The following GSK3B variants were observed in gnomAD, a reference collection of about 807,000 sequenced individuals.
GSK3B encodes glycogen synthase kinase-3 beta.
GSK3B carries 15 observed loss-of-function variants against 56.4 expected under a neutral mutation model. That is an observed-to-expected ratio of 0.27 (90% CI 0.18 to 0.41). GSK3B has a LOEUF of 0.41. Ranked by LOEUF, GSK3B falls within the 10% of genes least tolerant of loss-of-function variation. The pLI is 1.00. For missense variants in GSK3B, 300 were observed against 513.4 expected (o/e 0.58, Z 4.02); for synonymous variants, 181 against 188.9 (o/e 0.96, Z 0.34).
At chr3:119,886,128 CA>C (rs2108059403) in intron 7 of GSK3B, among the ~76,000 whole-genome samples, 1 of 152,146 alleles carries the variant, frequency 6.6e-6, no homozygotes, top group South Asian at 2.1e-4. Flanking sequence ...AGAAAACAGA[CA>C]CAAACTACAC....
chr3:119,952,691 A>G (rs1421478343), intron 2 of GSK3B, among the ~76,000 whole-genome samples: 1 of 151,820 alleles, frequency 6.6e-6, no homozygotes, highest in Admixed American at 6.6e-5. Context: ...ACTAATCATC[A>G]GGAAAAAACG....
chr3:119,928,929 T>C (rs1490499660), intron 3 of GSK3B, among the ~76,000 whole-genome samples: 1 of 152,188 alleles, frequency 6.6e-6, no homozygotes, highest in African/African-American at 2.4e-5. Context: ...ATACATTACC[T>C]AACACACAAT....
At chr3:120,002,349 T>A (rs72546691) in intron 1 of GSK3B, 110 bp from the exon 2 acceptor site, 69 of 523,946 alleles carry the variant, frequency 1.3e-4, no homozygotes, top group Admixed American at 3.4e-4. Flanking sequence ...ATTTTATTTT[T>A]TTTTTTGAGA....
At chr3:119,883,700 C>A (rs2056403475) in intron 7 of GSK3B, among the ~76,000 whole-genome samples, 1 of 151,986 alleles carries the variant, frequency 6.6e-6, no homozygotes, top group African/African-American at 2.4e-5. Flanking sequence ...AAAAACAGAC[C>A]CAGAAGGAGT....
intron 7 of GSK3B, among the ~76,000 whole-genome samples, chr3:119,879,781 T>C (rs772492706): frequency 6.6e-6 from 1 of 152,164 alleles, no homozygotes; most frequent in Non-Finnish European, 1.5e-5. Flanking sequence ...CGACTTCCGG[T>C]GCCATCTATG....
chr3:119,839,673 G>A (rs2055742361), intron 10 of GSK3B, among the ~76,000 whole-genome samples: 1 of 152,110 alleles, frequency 6.6e-6, no homozygotes, highest in Non-Finnish European at 1.5e-5. Flanking sequence ...TGATTTGGAG[G>A]CACATTCTCA....
At chr3:119,882,756 C>G (rs1401582515) in intron 7 of GSK3B, among the ~76,000 whole-genome samples, 1 of 152,078 alleles carries the variant, frequency 6.6e-6, no homozygotes, top group Non-Finnish European at 1.5e-5. Context: ...TCTTCTGCAA[C>G]TCATTCCTTT....
chr3:119,945,914 G>C (rs1164446224), intron 3 of GSK3B, among the ~76,000 whole-genome samples: 1 of 152,002 alleles, frequency 6.6e-6, no homozygotes, highest in Non-Finnish European at 1.5e-5. Flanking sequence ...GAGTGTACTT[G>C]TGAACCTAAC....
chr3:120,068,189 G>A (rs1038131146), intron 1 of GSK3B, among the ~76,000 whole-genome samples: 3 of 151,132 alleles, frequency 2.0e-5, no homozygotes, highest in Non-Finnish European at 2.9e-5. Flanking sequence ...TCAGGTGTTC[G>A]AGACCAGCCT....
intron 8 of GSK3B, among the ~76,000 whole-genome samples, chr3:119,874,201 T>C (rs1249382456): frequency 1.3e-5 from 2 of 152,076 alleles, no homozygotes; most frequent in African/African-American, 2.4e-5. Context: ...TGACACACAC[T>C]AAATACAGTG....
intron 5 of GSK3B, among the ~76,000 whole-genome samples, chr3:119,914,109 T>C (rs1338448371): frequency 2.6e-5 from 4 of 152,062 alleles, no homozygotes; most frequent in African/African-American, 9.7e-5. Flanking sequence ...CAGAGGAGAC[T>C]GGTTTTAACT....
chr3:119,924,385 C>T (rs2056871436), intron 3 of GSK3B, among the ~76,000 whole-genome samples: 1 of 152,182 alleles, frequency 6.6e-6, no homozygotes, highest in African/African-American at 2.4e-5. Context: ...TCACAATCTC[C>T]CAATTTGAAA....
At chr3:119,906,931 T>C (rs1183172459) in intron 6 of GSK3B, among the ~76,000 whole-genome samples, 3 of 152,180 alleles carry the variant, frequency 2.0e-5, no homozygotes, top group African/African-American at 4.8e-5. Flanking sequence ...AAAAATGACA[T>C]AGTATCATTT....
At chr3:119,948,714 T>C (rs766979944) in intron 2 of GSK3B, among the ~76,000 whole-genome samples, 1 of 152,222 alleles carries the variant, frequency 6.6e-6, no homozygotes, top group African/African-American at 2.4e-5. Context: ...GTTTGTTTGT[T>C]TGAGACAGAG....
chr3:120,063,164 T>C (rs886193816), intron 1 of GSK3B, among the ~76,000 whole-genome samples: 6 of 152,214 alleles, frequency 3.9e-5, no homozygotes, highest in Admixed American at 3.9e-4. Flanking sequence ...CACATGCCTT[T>C]AATAAAAAGT....
chr3:120,076,131 G>A (rs1012827332), intron 1 of GSK3B, among the ~76,000 whole-genome samples: 1 of 152,082 alleles, frequency 6.6e-6, no homozygotes, highest in Non-Finnish European at 1.5e-5. Flanking sequence ...TTCAATAAAT[G>A]GTGTTGGGAA....
intron 2 of GSK3B, among the ~76,000 whole-genome samples, chr3:119,976,178 T>C (rs957968434): frequency 1.3e-5 from 2 of 152,212 alleles, no homozygotes; most frequent in African/African-American, 4.8e-5. Context: ...TTCTTCAAAC[T>C]GTTAATCATT....
intron 2 of GSK3B, among the ~76,000 whole-genome samples, chr3:119,961,652 G>GAAAAAAAAAAAAAAAA (rs1408724077): frequency 7.0e-6 from 1 of 142,878 alleles, no homozygotes. Flanking sequence ...AAAAAAAAAG[G>GAAAAAAAAAAAAAAAA]AAAAAGCACT....
At chr3:119,989,772 G>GA (rs2057547508) in intron 2 of GSK3B, among the ~76,000 whole-genome samples, 4 of 152,012 alleles carry the variant, frequency 2.6e-5, no homozygotes, top group Non-Finnish European at 5.9e-5. Context: ...ATATGCCTGG[G>GA]ACTAATGTTC....
Sources: allele counts gnomAD v4.1 joint callset (sites outside exome capture counted in the v4.1 genomes callset), GRCh38; gene constraint gnomAD v4.1.1; transcripts MANE v1.5; gene names NCBI Gene and HGNC (gene_info 2026-07-23, HGNC 2026-07-21).